Variants in RBFOX3 observed in about 807,000 individuals in gnomAD.
RBFOX3 encodes the protein RNA binding fox-1 homolog 3.
Under a neutral mutation model 48.7 loss-of-function variants are expected in RBFOX3, and 17 were observed. The ratio of observed to expected loss-of-function variants is 0.35; its 90% CI spans 0.24 to 0.52. The LOEUF is 0.52. RBFOX3 is among the 20% of genes least tolerant of loss of function. The pLI, the probability that RBFOX3 is intolerant of heterozygous loss-of-function variation, is 0.94. For synonymous variants in RBFOX3, 212 were observed against 209.5 expected (o/e 1.01, Z -0.10); for missense variants, 382 against 497.5 (o/e 0.77, Z 2.21).
At chr17:79,200,591 C>G (rs2056599048) in intron 4 of RBFOX3, among the ~76,000 whole-genome samples, 1 of 152,188 alleles carries the variant, frequency 6.6e-6, no homozygotes. Context: ...CAGAGGAGAG[C>G]TGTTCAGGGA....
intron 3 of RBFOX3, among the ~76,000 whole-genome samples, chr17:79,287,078 A>G (rs78162560): frequency 0.03 from 4,631 of 152,354 alleles, 115 homozygotes; most frequent in East Asian, 0.068. Flanking sequence ...GGCAAGCAGG[A>G]TAGCTTTACC....
chr17:79,585,800 G>T (rs1042897113), intron 1 of RBFOX3, among the ~76,000 whole-genome samples: 5 of 152,152 alleles, frequency 3.3e-5, no homozygotes, highest in Non-Finnish European at 7.4e-5. Flanking sequence ...AGATGAGCCT[G>T]ATGGGCCGAG....
the RBFOX3 span, among the ~76,000 whole-genome samples, chr17:79,625,794 AAAAT>A: frequency 1.3e-5 from 2 of 152,230 alleles, no homozygotes; most frequent in African/African-American, 4.8e-5. Context: ...CTCCGTCTCA[AAAAT>A]AAATAAATAA....
At chr17:79,367,631 T>C (rs538144842) in intron 2 of RBFOX3, among the ~76,000 whole-genome samples, 10 of 152,090 alleles carry the variant, frequency 6.6e-5, no homozygotes, top group Middle Eastern at 3.4e-3. Flanking sequence ...AACTTGAAAA[T>C]ATTTCCCCAG....
upstream of RBFOX3, among the ~76,000 whole-genome samples, chr17:79,612,030 GAC>G (rs1288602007): frequency 2.0e-5 from 3 of 152,182 alleles, no homozygotes; most frequent in East Asian, 5.8e-4. Flanking sequence ...AGAGGCTGAG[GAC>G]ACAGTGGAGT....
At chr17:79,140,356 G>A (rs2041672411) in intron 4 of RBFOX3, among the ~76,000 whole-genome samples, 2 of 152,252 alleles carry the variant, frequency 1.3e-5, no homozygotes, top group Non-Finnish European at 2.9e-5. Context: ...CCCTGGCCCT[G>A]GAGGGTGAAC....
intron 1 of RBFOX3, among the ~76,000 whole-genome samples, chr17:79,558,811 A>C (rs2091968932): frequency 1.3e-5 from 2 of 152,198 alleles, no homozygotes; most frequent in African/African-American, 4.8e-5. Context: ...CTGCACAAGA[A>C]GGACATTGAC....
At chr17:79,262,166 T>C (rs907023647) in intron 3 of RBFOX3, among the ~76,000 whole-genome samples, 2 of 152,274 alleles carry the variant, frequency 1.3e-5, no homozygotes, top group African/African-American at 2.4e-5. Context: ...GCCACAGCTC[T>C]GTACACACAA....
At chr17:79,612,044 G>A (rs931004057), upstream of RBFOX3, among the ~76,000 whole-genome samples, 15 of 152,236 alleles carry the variant, frequency 9.9e-5, no homozygotes, top group African/African-American at 3.6e-4. Flanking sequence ...CAGTGGAGTG[G>A]GGACCCTCTG....
chr17:79,602,288 G>A (rs1426160143), intron 1 of RBFOX3, among the ~76,000 whole-genome samples: 1 of 152,248 alleles, frequency 6.6e-6, no homozygotes, highest in Non-Finnish European at 1.5e-5. Flanking sequence ...ACTTCTGGAC[G>A]ATAAAGCTCG....
intron 1 of RBFOX3, among the ~76,000 whole-genome samples, chr17:79,498,578 C>A (rs538659083): frequency 6.6e-6 from 1 of 151,172 alleles, no homozygotes; most frequent in East Asian, 2.0e-4. Flanking sequence ...TCCTTCCCCC[C>A]ACCCCATCTA....
At chr17:79,393,869 G>A (rs747506366) in intron 2 of RBFOX3, among the ~76,000 whole-genome samples, 5 of 146,930 alleles carry the variant, frequency 3.4e-5, no homozygotes, top group African/African-American at 7.7e-5. Context: ...CGGTCATCAC[G>A]CACATCATCT....
At chr17:79,639,926 G>A in the RBFOX3 span, among the ~76,000 whole-genome samples, 22 of 152,158 alleles carry the variant, frequency 1.4e-4, no homozygotes, top group African/African-American at 5.3e-4. Flanking sequence ...AGTAAAGGAT[G>A]CCCACTCCCA....
intron 4 of RBFOX3, among the ~76,000 whole-genome samples, chr17:79,183,915 C>T (rs763319678): frequency 6.6e-6 from 1 of 152,240 alleles, no homozygotes. Context: ...CCTCCTCCCC[C>T]CCGTTGCCAG....
intron 4 of RBFOX3, among the ~76,000 whole-genome samples, chr17:79,215,438 G>C (rs1303078056): frequency 6.6e-6 from 1 of 152,168 alleles, no homozygotes; most frequent in African/African-American, 2.4e-5. Context: ...ACGTAGCACT[G>C]TCAACACGCT....
rs75394400 is a variant in RBFOX3, at chr17:79,299,099, G to A, written c.-74+8625C>T. ...TGCGGCTGGCCTCGGAAATACGGGAGGGACATGGGAAATGAACTAATAAAT... is the reference window on the plus strand; with the variant it reads ...TGCGGCTGGCCTCGGAAATACGGGAAGGACATGGGAAATGAACTAATAAAT... On this transcript the variant is annotated intron_variant, in intron 3 of 14. Transcript: ENST00000693108. The surrounding 1 kb of genome is among the most constrained non-coding windows in gnomAD (Gnocchi z 4.5). Among the ~76,000 whole-genome samples, 529 of 151,968 alleles carry A rather than the reference G, an allele frequency of 3.5e-3. 4 individuals carry two copies. The highest frequency in any genetic ancestry group is 0.012 in the African/African-American group (505 of 41,418).
rs541488387 is a variant in RBFOX3 at position 79,432,735 on chromosome 17, A to G, written c.-175+49719T>C. ...GGCAGACAAAGGGGAAAAAAAAAAA[A>G]GCTAACGTGGTACAAGCTTTCAGAA... On this transcript the variant is annotated intron_variant, in intron 2 of 14. Transcript: ENST00000693108. Among the ~76,000 whole-genome samples the G allele has an allele frequency of 2.6e-3, 400 of 152,158 alleles. 2 individuals carry two copies. The highest frequency in any genetic ancestry group is 9.4e-3 in the African/African-American group (390 of 41,526).
rs887484142 is a variant in RBFOX3, at chr17:79,523,132, G to C, written c.-319-40534C>G. 1.1e-4 allele frequency among the ~76,000 whole-genome samples: 16 copies of C among 151,526 alleles called. No individual in the cohort carries two copies. The East Asian group carries it at 1.2e-3, about 11-fold the overall frequency. The stretch of plus-strand genomic sequence containing the variant: ...ATGGAGGTTGCCAGGGGCTTGTGGT[G>C]GGGGGGCGGGTGGTTTGGGAGAATG... On this transcript the variant is annotated intron_variant, in intron 1 of 14. Coordinates refer to ENST00000693108, the MANE Select transcript of RBFOX3 (RefSeq NM_001350451.2).
In RBFOX3 at chr17:79,170,610, A is replaced by C. The variant is rs371754498; in HGVS notation, c.-33-54862T>G. On this transcript the variant is annotated intron_variant, in intron 4 of 14. Transcript: ENST00000693108. ...TGTGTCCGTTAGGCCTCCCAGGTAT[A>C]CCTCTCCCGCTAAAGCTTCCCCATC... Among the ~76,000 whole-genome samples, 27 of 151,568 alleles carry C rather than the reference A, an allele frequency of 1.8e-4. No individual in the cohort carries two copies. The South Asian group carries it at 5.4e-3, about 30-fold the overall frequency.
Sources: allele counts gnomAD v4.1 joint callset (sites outside exome capture counted in the v4.1 genomes callset), GRCh38; gene constraint gnomAD v4.1.1; non-coding constraint Gnocchi (gnomAD v3.1); transcripts MANE v1.5; gene names NCBI Gene and HGNC (gene_info 2026-07-23, HGNC 2026-07-21).